The following CFAP90 variants were observed in gnomAD, a reference collection of about 807,000 sequenced individuals.
CFAP90 encodes cilia and flagella associated protein 90.
the CFAP90 span, among the ~76,000 whole-genome samples, chr5:7,832,860 C>T: frequency 6.6e-6 from 1 of 152,220 alleles, no homozygotes; most frequent in Non-Finnish European, 1.5e-5. Context: ...TGAAAAACTA[C>T]CTGCCACAGT....
At chr5:7,837,708 C>T in the CFAP90 span, among the ~76,000 whole-genome samples, 2 of 152,186 alleles carry the variant, frequency 1.3e-5, no homozygotes, top group Non-Finnish European at 2.9e-5. Flanking sequence ...ATAACTCAGA[C>T]GTGGCTACTG....
At chr5:7,831,883 C>A in the CFAP90 span, 1 of 1,613,814 alleles carries the variant, frequency 6.2e-7, no homozygotes, top group Non-Finnish European at 8.5e-7. Context: ...AGCCGGGTTC[C>A]TTGAGGCTGG....
chr5:7,840,099 G>A, the CFAP90 span, among the ~76,000 whole-genome samples: 1 of 151,910 alleles, frequency 6.6e-6, no homozygotes, highest in African/African-American at 2.4e-5. Context: ...AATCCCTCAA[G>A]GAATTGTCTC....
At chr5:7,851,101 A>G in the CFAP90 span, 1 of 1,225,562 alleles carries the variant, frequency 8.2e-7, no homozygotes, top group Non-Finnish European at 1.0e-6. Context: ...TGCAGGCCTC[A>G]GGTTGCTCAG....
At chr5:7,849,455 C>G in the CFAP90 span, among the ~76,000 whole-genome samples, 1 of 152,166 alleles carries the variant, frequency 6.6e-6, no homozygotes, top group Non-Finnish European at 1.5e-5. Context: ...GCCACCAGGA[C>G]AGCTAGAATT....
the CFAP90 span, chr5:7,835,559 G>C: frequency 1.0e-6 from 1 of 964,648 alleles, no homozygotes; most frequent in African/African-American, 1.6e-5. Flanking sequence ...ATTGAGGCCC[G>C]ATGGAGCACA....
chr5:7,850,382 T>A, the CFAP90 span, among the ~76,000 whole-genome samples: 1 of 135,732 alleles, frequency 7.4e-6, no homozygotes, highest in Non-Finnish European at 1.6e-5. Context: ...GAAGGTGCGC[T>A]CCTCCTCTAG....
At chr5:7,833,673 G>A in the CFAP90 span, among the ~76,000 whole-genome samples, 1 of 152,154 alleles carries the variant, frequency 6.6e-6, no homozygotes, top group Admixed American at 6.5e-5. Context: ...CTATATACAT[G>A]CATACACATA....
the CFAP90 span, chr5:7,850,824 CCGCCCAGCCGCCCA>C: frequency 9.4e-7 from 1 of 1,059,640 alleles, no homozygotes; most frequent in Non-Finnish European, 1.2e-6. Context: ...AGCCGCCCAG[CCGCCCAGCCGCCCA>C]GCCTTCCGGT....
the CFAP90 span, among the ~76,000 whole-genome samples, chr5:7,839,101 T>A: frequency 3.3e-5 from 5 of 152,202 alleles, no homozygotes; most frequent in South Asian, 2.1e-4. Flanking sequence ...GAGAGAGAGC[T>A]TGTGCAGGGA....
At chr5:7,838,892 TA>T in the CFAP90 span, among the ~76,000 whole-genome samples, 1 of 152,206 alleles carries the variant, frequency 6.6e-6, no homozygotes, top group Non-Finnish European at 1.5e-5. Flanking sequence ...TCAAACCCTA[TA>T]ATGCTCCCTG....
chr5:7,830,873 CA>C, the CFAP90 span: 1 of 151,996 alleles, frequency 6.6e-6, no homozygotes, highest in Admixed American at 6.5e-5. Flanking sequence ...AAATTATCTC[CA>C]AAGTAAGTAT....
chr5:7,849,114 A>C, the CFAP90 span, among the ~76,000 whole-genome samples: 1 of 152,248 alleles, frequency 6.6e-6, no homozygotes, highest in Non-Finnish European at 1.5e-5. Flanking sequence ...TTCTATTTCC[A>C]AATAAGTTCA....
chr5:7,850,791 GCCGCC>G, the CFAP90 span: 4 of 1,168 alleles, frequency 3.4e-3, no homozygotes, highest in African/African-American at 7.9e-3. Flanking sequence ...CCCCTGCCCA[GCCGCC>G]CAGCCGCCCA....
chr5:7,834,647 C>T, the CFAP90 span, among the ~76,000 whole-genome samples: 32,612 of 152,020 alleles, frequency 0.21, 3,734 homozygotes, highest in Middle Eastern at 0.28. Context: ...GTAAATGATA[C>T]ACAAGTGTAT....
the CFAP90 span, chr5:7,831,399 T>C: frequency 6.4e-6 from 1 of 156,596 alleles, no homozygotes; most frequent in Non-Finnish European, 1.4e-5. Context: ...TTGTTTGTGT[T>C]CAGGCAGCAG....
the CFAP90 span, among the ~76,000 whole-genome samples, chr5:7,838,680 G>A: frequency 1.7e-3 from 265 of 152,292 alleles, 1 homozygote; most frequent in African/African-American, 6.1e-3. Context: ...TCATCATCTA[G>A]GTGTCCTATT....
the CFAP90 span, among the ~76,000 whole-genome samples, chr5:7,850,497 C>G: frequency 6.6e-6 from 1 of 151,796 alleles, no homozygotes; most frequent in Non-Finnish European, 1.5e-5. Context: ...GCGGCGCATC[C>G]CTGCCCCCAG....
chr5:7,847,048 A>C, the CFAP90 span, among the ~76,000 whole-genome samples: 7 of 152,188 alleles, frequency 4.6e-5, no homozygotes, highest in Admixed American at 2.0e-4. Flanking sequence ...ATTTAGGTGT[A>C]ACTGAGTTCT....
Sources: gnomAD v4.1 joint callset for allele counts (sites outside exome capture counted in the v4.1 genomes callset) on GRCh38, gnomAD v4.1.1 for gene constraint, MANE v1.5 for transcripts, NCBI Gene and HGNC (gene_info 2026-07-23, HGNC 2026-07-21) for gene names.